The following LRRC4C variants were observed in gnomAD, a reference collection of about 807,000 sequenced individuals.
LRRC4C encodes the protein leucine-rich repeat-containing protein 4C.
In LRRC4C, 5 loss-of-function variants were observed where a neutral mutation model predicts 33.6. The ratio of observed to expected loss-of-function variants is 0.15; its 90% CI spans 0.08 to 0.31. The LOEUF is 0.31. Ranked by LOEUF, LRRC4C falls within the 10% of genes least tolerant of loss-of-function variation. The probability of loss-of-function intolerance (pLI) is 1.00; values close to 1 mark genes in which losing one functional copy is unlikely to be tolerated. For synonymous variants in LRRC4C, 329 were observed against 302.0 expected (o/e 1.09, Z -0.93); for missense variants, 560 against 796.7 (o/e 0.70, Z 3.58).
chr11:40,407,600 T>C (rs940145714), intron 3 of LRRC4C, among the ~76,000 whole-genome samples: 1 of 152,210 alleles, frequency 6.6e-6, no homozygotes, highest in Admixed American at 6.5e-5. Flanking sequence ...AAAGAAAGGC[T>C]GGGCTAAGGC....
chr11:40,748,651 T>G (rs1285518722), intron 2 of LRRC4C, among the ~76,000 whole-genome samples: 1 of 152,084 alleles, frequency 6.6e-6, no homozygotes, highest in African/African-American at 2.4e-5. Flanking sequence ...ACTATGAATG[T>G]AAATTGATTA....
In LRRC4C at chr11:41,163,282, C is replaced by G. The variant is rs994503400; in HGVS notation, c.-495-229559G>C. 1.6e-3 allele frequency among the ~76,000 whole-genome samples: 30 copies of G among 18,530 alleles called. 1 individual carries two copies. Among genetic ancestry groups the G allele is most frequent in the Non-Finnish European group, 4.5e-3 (28 of 6,290 alleles). The allele number at this position is 18,530 out of a possible 152,430, so 12.2% of individuals were successfully genotyped here. ...GAGTAATAAACTTAGTTTACTGTAA[C>G]TGTTTTTTTTTTTTTTTTTCAAACA... On this transcript the variant is annotated intron_variant, in intron 1 of 6. Transcript: ENST00000528697.
chr11:40,207,461 G>T (rs1217769596), intron 5 of LRRC4C, among the ~76,000 whole-genome samples: 1 of 152,122 alleles, frequency 6.6e-6, no homozygotes, highest in Non-Finnish European at 1.5e-5. Flanking sequence ...AATTAGTCAT[G>T]TGTGGTGATG....
chr11:40,142,884 C>G (rs992399689), intron 5 of LRRC4C, among the ~76,000 whole-genome samples: 5 of 152,190 alleles, frequency 3.3e-5, no homozygotes, highest in African/African-American at 1.2e-4. Flanking sequence ...AAAAATCAAC[C>G]TGTCTACAGT....
intron 3 of LRRC4C, among the ~76,000 whole-genome samples, chr11:40,401,761 A>C (rs1949768847): frequency 6.6e-6 from 1 of 152,126 alleles, no homozygotes; most frequent in Non-Finnish European, 1.5e-5. Flanking sequence ...GTGTGAAATA[A>C]TCCTTTAGTA....
intron 1 of LRRC4C, among the ~76,000 whole-genome samples, chr11:41,059,229 A>G (rs1269292873): frequency 1.8e-4 from 3 of 16,958 alleles, no homozygotes; most frequent in Non-Finnish European, 5.7e-4. Flanking sequence ...TTTTTTTAAG[A>G]AAAAGAGAAA....
At chr11:41,168,811 T>C (rs1487418728) in intron 1 of LRRC4C, among the ~76,000 whole-genome samples, 1 of 152,180 alleles carries the variant, frequency 6.6e-6, no homozygotes, top group Non-Finnish European at 1.5e-5. Context: ...CACCAGGCAA[T>C]CTGTTTCTGC....
intron 4 of LRRC4C, among the ~76,000 whole-genome samples, chr11:40,267,310 T>C (rs1000855865): frequency 2.6e-5 from 4 of 152,268 alleles, no homozygotes; most frequent in South Asian, 4.1e-4. Flanking sequence ...TTTCACACAT[T>C]GAAGCTGCTT....
intron 3 of LRRC4C, among the ~76,000 whole-genome samples, chr11:40,466,064 C>T (rs1313498194): frequency 2.0e-5 from 3 of 151,990 alleles, no homozygotes; most frequent in African/African-American, 7.2e-5. Context: ...TCTACATATA[C>T]ACCATATAAT....
At chr11:40,547,445 C>T (rs1227238493) in intron 3 of LRRC4C, among the ~76,000 whole-genome samples, 1 of 152,060 alleles carries the variant, frequency 6.6e-6, no homozygotes, top group Non-Finnish European at 1.5e-5. Flanking sequence ...TTCGGAGACT[C>T]TCTAGTTCCC....
intron 2 of LRRC4C, among the ~76,000 whole-genome samples, chr11:40,672,097 AT>A (rs1944153212): frequency 1.3e-5 from 2 of 152,312 alleles, no homozygotes; most frequent in South Asian, 2.1e-4. Flanking sequence ...AGACTGGGTG[AT>A]TTATAAACTA....
chr11:40,378,520 G>C (rs1948743558), intron 3 of LRRC4C, among the ~76,000 whole-genome samples: 1 of 151,386 alleles, frequency 6.6e-6, no homozygotes, highest in Non-Finnish European at 1.5e-5. Context: ...GTGTATTTCT[G>C]TGAGAAAGAA....
At chr11:40,253,499 G>A (rs1866954066) in intron 4 of LRRC4C, among the ~76,000 whole-genome samples, 1 of 152,144 alleles carries the variant, frequency 6.6e-6, no homozygotes, top group African/African-American at 2.4e-5. Context: ...TCAGTTAACT[G>A]TAAAATGAGC....
At chr11:40,788,419 C>T (rs1382540261) in intron 2 of LRRC4C, among the ~76,000 whole-genome samples, 1 of 152,078 alleles carries the variant, frequency 6.6e-6, no homozygotes, top group African/African-American at 2.4e-5. Flanking sequence ...ACAAATGAAA[C>T]CTCACCCTTT....
intron 1 of LRRC4C, among the ~76,000 whole-genome samples, chr11:40,957,969 T>C (rs58464839): frequency 0.088 from 13,397 of 151,640 alleles, 640 homozygotes; most frequent in Non-Finnish European, 0.099. Flanking sequence ...GGAGGTGGGG[T>C]CTTTGGAGGT....
At chr11:41,311,175 C>T (rs150235352) in intron 1 of LRRC4C, among the ~76,000 whole-genome samples, 4 of 152,126 alleles carry the variant, frequency 2.6e-5, no homozygotes, top group Non-Finnish European at 2.9e-5. Flanking sequence ...GAAGCTATGC[C>T]GTGCATTAGA....
At chr11:40,358,803 T>C (rs572420020) in intron 3 of LRRC4C, among the ~76,000 whole-genome samples, 1 of 152,258 alleles carries the variant, frequency 6.6e-6, no homozygotes, top group South Asian at 2.1e-4. Context: ...TTTTTGATAG[T>C]AATCATCCTT....
At chr11:40,227,006 C>A (rs1864848444) in intron 5 of LRRC4C, among the ~76,000 whole-genome samples, 1 of 152,234 alleles carries the variant, frequency 6.6e-6, no homozygotes, top group Middle Eastern at 3.4e-3. Flanking sequence ...AAAGGTGAGA[C>A]CTCAAAGGCT....
chr11:40,786,932 T>C (rs954044406), intron 2 of LRRC4C, among the ~76,000 whole-genome samples: 4 of 152,036 alleles, frequency 2.6e-5, no homozygotes, highest in Admixed American at 6.6e-5. Context: ...TAAAAGTAGG[T>C]CTTGGTCAAG....
Sources: allele counts gnomAD v4.1 joint callset (sites outside exome capture counted in the v4.1 genomes callset), GRCh38; gene constraint gnomAD v4.1.1; transcripts MANE v1.5; gene names NCBI Gene and HGNC (gene_info 2026-07-23, HGNC 2026-07-21).